The following RAB3GAP2 variants were observed in gnomAD, a reference collection of about 807,000 sequenced individuals.
RAB3GAP2 encodes the protein RAB3 GTPase activating non-catalytic protein subunit 2.
RAB3GAP2 carries 87 observed loss-of-function variants against 185.3 expected under a neutral mutation model. That is an observed-to-expected ratio of 0.47 (90% CI 0.39 to 0.56). RAB3GAP2 has a LOEUF of 0.56. Among genes scored for constraint, RAB3GAP2 ranks in the 20% least tolerant of loss-of-function variants. The probability of loss-of-function intolerance (pLI) is 0.00; values close to 1 mark genes in which losing one functional copy is unlikely to be tolerated. For missense variants in RAB3GAP2, 1,492 were observed against 1,638.2 expected (o/e 0.91, Z 1.54); for synonymous variants, 554 against 576.1 (o/e 0.96, Z 0.55).
chr1:220,240,210 T>A (rs1008804822), intron 1 of RAB3GAP2, among the ~76,000 whole-genome samples: 3 of 152,192 alleles, frequency 2.0e-5, no homozygotes, highest in Non-Finnish European at 4.4e-5. Context: ...GTTTAGGAGA[T>A]GTTGTTCCTA....
At chr1:220,242,609 T>C (rs1659717146) in intron 1 of RAB3GAP2, among the ~76,000 whole-genome samples, 1 of 152,242 alleles carries the variant, frequency 6.6e-6, no homozygotes, top group Non-Finnish European at 1.5e-5. Flanking sequence ...ATCAACCTTC[T>C]AGTATCAGGT....
In RAB3GAP2 at chr1:220,190,643, A is replaced by G. The variant is rs570272775; in HGVS notation, c.1488-123T>C. The G allele has an allele frequency of 1.2e-5, 11 of 941,354 alleles. No homozygotes were observed. The African/African-American group carries it at 1.5e-4, about 13-fold the overall frequency. 58.3% of individuals were successfully genotyped at this position (941,354 alleles called of 1,614,324 possible). A position where few individuals can be genotyped will look rare whatever the true frequency, so the allele number is the denominator to read the frequency against. On this transcript the variant is annotated intron_variant, in intron 14 of 34. Coordinates refer to ENST00000358951, the MANE Select transcript of RAB3GAP2 (RefSeq NM_012414.4). ...ATTTAGGAGCATTAATAAGGCAACTAAATACTGATAGCAAGTACATAAGTA... is the reference window on the plus strand; with the variant it reads ...ATTTAGGAGCATTAATAAGGCAACTGAATACTGATAGCAAGTACATAAGTA...
chr1:220,230,386 T>C (rs1006001690), intron 2 of RAB3GAP2, among the ~76,000 whole-genome samples: 6 of 152,328 alleles, frequency 3.9e-5, no homozygotes, highest in African/African-American at 1.4e-4. Flanking sequence ...AAAAGCAGAA[T>C]AGCTGAGGCT....
At chr1:220,178,593 TG>T (rs1479342862) in intron 21 of RAB3GAP2, among the ~76,000 whole-genome samples, 1 of 152,208 alleles carries the variant, frequency 6.6e-6, no homozygotes, top group Non-Finnish European at 1.5e-5. Flanking sequence ...AAATACTTGT[TG>T]TAACTAGATT....
intron 2 of RAB3GAP2, among the ~76,000 whole-genome samples, chr1:220,215,125 C>T (rs1226963620): frequency 1.3e-5 from 2 of 151,776 alleles, no homozygotes; most frequent in African/African-American, 4.8e-5. Context: ...TATGCGTGGA[C>T]ATTTGTATTG....
chr1:220,165,332 G>A (rs576210780), intron 26 of RAB3GAP2, among the ~76,000 whole-genome samples: 1 of 151,222 alleles, frequency 6.6e-6, no homozygotes, highest in East Asian at 1.9e-4. Context: ...TTAATGGTAA[G>A]TGCCAAAGAG....
At chr1:220,260,149 A>T (rs1395141147) in intron 1 of RAB3GAP2, among the ~76,000 whole-genome samples, 1 of 152,214 alleles carries the variant, frequency 6.6e-6, no homozygotes, top group Non-Finnish European at 1.5e-5. Context: ...TGGGAGTGTA[A>T]ATTAGTTCAA....
chr1:220,217,941 T>C (rs751788321), intron 2 of RAB3GAP2, among the ~76,000 whole-genome samples: 4 of 152,126 alleles, frequency 2.6e-5, no homozygotes, highest in Non-Finnish European at 4.4e-5. Flanking sequence ...CCCCAACAAA[T>C]GGACTATAAG....
intron 13 of RAB3GAP2, among the ~76,000 whole-genome samples, chr1:220,192,492 T>G (rs1159091942): frequency 2.6e-5 from 4 of 152,258 alleles, no homozygotes; most frequent in Non-Finnish European, 5.9e-5. Flanking sequence ...GGAGATATTA[T>G]TCACAATGTG....
rs558216017 is a variant in RAB3GAP2 at position 220,267,008 on chromosome 1, G to A, written c.115+5215C>T. 2.0e-4 allele frequency: 319 copies of A among 1,611,072 alleles called. 11 individuals carry two copies. The South Asian group carries it at 3.1e-3, about 16-fold the overall frequency. On this transcript the variant is annotated intron_variant, in intron 1 of 34. Transcript: ENST00000358951. ...AGATCCACCTTCTCATCATGCATCC[G>A]ACCTTCAATCATTTCGGGGGGCAGG...
At position 220,158,142 on chromosome 1, in the gene RAB3GAP2, C is replaced by T. The variant is rs1331742570; in HGVS notation, c.3262-266G>A. Among the ~76,000 whole-genome samples the T allele has an allele frequency of 6.6e-6, 1 of 152,116 alleles. No individual in the cohort carries two copies. The highest frequency in any genetic ancestry group is 1.5e-5 in the Non-Finnish European group (1 of 68,030). Reference sequence around the variant, plus strand: ...TTCTTTGTGTATTGTAAAGAAACAGCCTCATTAGTTACTATAGATGGTGGC... The same window carrying T: ...TTCTTTGTGTATTGTAAAGAAACAGTCTCATTAGTTACTATAGATGGTGGC... On this transcript the variant is annotated intron_variant, in intron 29 of 34. Transcript: ENST00000358951. The surrounding 1 kb of genome is among the most constrained non-coding windows in gnomAD (Gnocchi z 4.3).
At chr1:220,258,308 CTGA>C (rs1660071718) in intron 1 of RAB3GAP2, among the ~76,000 whole-genome samples, 1 of 152,170 alleles carries the variant, frequency 6.6e-6, no homozygotes, top group Admixed American at 6.5e-5. Flanking sequence ...GCCAATATTC[CTGA>C]TGAACATCAG....
intron 13 of RAB3GAP2, 88 bp from the exon 14 acceptor site, chr1:220,191,372 G>A: frequency 6.5e-6 from 2 of 306,356 alleles, no homozygotes; most frequent in South Asian, 4.4e-5. Context: ...GGGGGTGGGG[G>A]TGGGGGTGGG....
At chr1:220,151,897 A>AT in intron 33 of RAB3GAP2, 133 bp from the exon 34 acceptor site, 5 of 953,044 alleles carry the variant, frequency 5.2e-6, no homozygotes, top group Non-Finnish European at 6.2e-6. Context: ...ATTGTATACA[A>AT]CCAAAGATAA....
chr1:220,270,383 T>C (rs1660313989), intron 1 of RAB3GAP2, among the ~76,000 whole-genome samples: 1 of 152,256 alleles, frequency 6.6e-6, no homozygotes, highest in Non-Finnish European at 1.5e-5. Context: ...TTAACATCTC[T>C]GGCCCAGTAC....
At position 220,171,433 on chromosome 1, in the gene RAB3GAP2, T is replaced by C. The variant is rs140779183; in HGVS notation, c.2578-313A>G. On this transcript the variant is annotated intron_variant, in intron 23 of 34. Coordinates refer to ENST00000358951, the MANE Select transcript of RAB3GAP2 (RefSeq NM_012414.4). ...GGCCAAGTTTTGTCTATCAGTACCA[T>C]CAAAATACTTATATTTCTTCAGAAT... is the stretch of plus-strand genomic sequence containing the variant. Among the ~76,000 whole-genome samples, 741 of 152,314 alleles carry C rather than the reference T, an allele frequency of 4.9e-3. 3 individuals are homozygous for C. The highest frequency in any genetic ancestry group is 6.9e-3 in the Admixed American group (105 of 15,298).
At chr1:220,201,775 C>T (rs1658864443) in intron 9 of RAB3GAP2, among the ~76,000 whole-genome samples, 1 of 152,160 alleles carries the variant, frequency 6.6e-6, no homozygotes, top group Non-Finnish European at 1.5e-5. Flanking sequence ...GCTGGGATTA[C>T]AGGTGTTAGC....
chr1:220,267,557 AT>A (rs1290350637), intron 1 of RAB3GAP2: 7 of 1,387,458 alleles, frequency 5.0e-6, no homozygotes, highest in Non-Finnish European at 7.2e-6. Context: ...TTGATTCTTC[AT>A]TTTTCTGTTT....
chr1:220,266,772 A>G lies in RAB3GAP2; in HGVS notation c.115+5451T>C, dbSNP rs1266836027. ...GGTTTTGATGAATTTGCTGTGATCC[A>G]GGGGTATTCAAGTACTTCTCTGAGC... On this transcript the variant is annotated intron_variant, in intron 1 of 34. Transcript: ENST00000358951. 4.4e-6 allele frequency: 7 copies of G among 1,592,996 alleles called. No homozygotes were observed. The East Asian group carries it at 1.6e-4, about 36-fold the overall frequency.
Sources: allele counts gnomAD v4.1 joint callset (sites outside exome capture counted in the v4.1 genomes callset), GRCh38; gene constraint gnomAD v4.1.1; non-coding constraint Gnocchi (gnomAD v3.1); transcripts MANE v1.5; gene names NCBI Gene and HGNC (gene_info 2026-07-23, HGNC 2026-07-21).